The following EYA4 variants were observed in gnomAD, a reference collection of about 807,000 sequenced individuals.
EYA4 encodes protein phosphatase EYA4.
EYA4 carries 31 observed loss-of-function variants against 87.9 expected under a neutral mutation model. The ratio of observed to expected loss-of-function variants is 0.35; its 90% CI spans 0.27 to 0.48. The LOEUF is 0.48. Ranked by LOEUF, EYA4 falls within the 20% of genes least tolerant of loss-of-function variation. EYA4 has a pLI of 0.99. For synonymous variants in EYA4, 263 were observed against 270.6 expected (o/e 0.97, Z 0.28); for missense variants, 678 against 761.4 (o/e 0.89, Z 1.29).
At chr6:133,502,072 ACTCT>A (rs767862152) in intron 13 of EYA4, among the ~76,000 whole-genome samples, 4 of 119,998 alleles carry the variant, frequency 3.3e-5, no homozygotes, top group African/African-American at 6.2e-5. Context: ...TCTCTCTCTC[ACTCT>A]CTCTCTCTCT....
rs559726015 is a variant in EYA4 at position 133,295,844 on chromosome 6, G to A, written c.33+21031G>A. ...CTTCCCATTGCCAGGAACTGTTATA[G>A]ATGCTGAAAATACTGCAGTGAAAAA... On this transcript the variant is annotated intron_variant, in intron 2 of 19. Coordinates refer to ENST00000355286, the MANE Select transcript of EYA4 (RefSeq NM_004100.5). Among the ~76,000 whole-genome samples the A allele has an allele frequency of 7.2e-5, 11 of 152,284 alleles. No homozygotes were observed. In the South Asian group the frequency reaches 2.3e-3, roughly 32 times the overall value.
chr6:133,316,024 C>T (rs527681751), intron 2 of EYA4, among the ~76,000 whole-genome samples: 10 of 152,174 alleles, frequency 6.6e-5, no homozygotes, highest in Admixed American at 1.3e-4. Context: ...TCTGCTTTCC[C>T]GTAGGGCATC....
At chr6:133,380,121 T>C (rs1786056356) in intron 2 of EYA4, among the ~76,000 whole-genome samples, 1 of 152,190 alleles carries the variant, frequency 6.6e-6, no homozygotes, top group Admixed American at 6.5e-5. Context: ...CACAATACTT[T>C]AGATAGACTT....
At chr6:133,311,070 T>A (rs1159374415) in intron 2 of EYA4, among the ~76,000 whole-genome samples, 1 of 152,122 alleles carries the variant, frequency 6.6e-6, no homozygotes, top group Non-Finnish European at 1.5e-5. Context: ...TATTTTCTTC[T>A]TGCTTATTCC....
At chr6:133,247,660 A>G (rs1394343857) in intron 1 of EYA4, 4 of 152,034 alleles carry the variant, frequency 2.6e-5, no homozygotes, top group Non-Finnish European at 4.4e-5. Context: ...AGTGGTTTTC[A>G]TTTTTTTATT....
chr6:133,466,759 T>A (rs1794878319), intron 10 of EYA4, among the ~76,000 whole-genome samples: 1 of 148,920 alleles, frequency 6.7e-6, no homozygotes, highest in African/African-American at 2.5e-5. Flanking sequence ...GAAAACTTGG[T>A]GTGTCACTGA....
intron 3 of EYA4, among the ~76,000 whole-genome samples, chr6:133,424,555 G>A (rs1359621476): frequency 2.0e-5 from 3 of 152,084 alleles, no homozygotes; most frequent in East Asian, 3.9e-4. Context: ...TGGGGGCACC[G>A]TGGGTGCCAG....
intron 2 of EYA4, among the ~76,000 whole-genome samples, chr6:133,348,555 G>A (rs908837874): frequency 4.0e-5 from 6 of 151,872 alleles, no homozygotes; most frequent in Admixed American, 2.6e-4. Flanking sequence ...ATGAGCCACC[G>A]TACCCAGCCT....
intron 2 of EYA4, among the ~76,000 whole-genome samples, chr6:133,317,952 C>T (rs1780754770): frequency 1.3e-5 from 2 of 152,094 alleles, no homozygotes; most frequent in South Asian, 4.1e-4. Context: ...ATCCATCCTC[C>T]TTCCGTTGAT....
At chr6:133,422,492 A>G (rs1583234296) in intron 3 of EYA4, among the ~76,000 whole-genome samples, 3 of 152,220 alleles carry the variant, frequency 2.0e-5, no homozygotes, top group East Asian at 1.9e-4. Flanking sequence ...CATTGTAATT[A>G]TATGGCATAG....
intron 1 of EYA4, chr6:133,248,927 C>T (rs1774656883): frequency 1.3e-5 from 2 of 151,036 alleles, no homozygotes; most frequent in South Asian, 4.2e-4. Flanking sequence ...GATGATGGTA[C>T]TGTTATTTTT....
At chr6:133,417,673 C>CGTAATACAT (rs1789850124) in intron 3 of EYA4, among the ~76,000 whole-genome samples, 2 of 152,022 alleles carry the variant, frequency 1.3e-5, no homozygotes, top group African/African-American at 4.8e-5. Context: ...ACATGCATAT[C>CGTAATACAT]ACTAATAAAA....
intron 11 of EYA4, among the ~76,000 whole-genome samples, chr6:133,474,084 T>TG (rs1162721601): frequency 6.6e-6 from 1 of 151,998 alleles, no homozygotes; most frequent in African/African-American, 2.4e-5. Flanking sequence ...CAATGATGAA[T>TG]GTGTGAGGAA....
At chr6:133,241,129 C>T (rs1328437267), upstream of EYA4, among the ~76,000 whole-genome samples, 1 of 152,046 alleles carries the variant, frequency 6.6e-6, no homozygotes, top group East Asian at 1.9e-4. Flanking sequence ...GCGGTCCCCA[C>T]GCGAGATCGC....
intron 3 of EYA4, among the ~76,000 whole-genome samples, chr6:133,382,962 G>A (rs1353327880): frequency 6.6e-6 from 1 of 152,142 alleles, no homozygotes; most frequent in African/African-American, 2.4e-5. Context: ...CTTCATATAG[G>A]AATTTAGCAC....
intron 2 of EYA4, among the ~76,000 whole-genome samples, chr6:133,334,842 A>G (rs1327738256): frequency 6.6e-6 from 1 of 152,202 alleles, no homozygotes; most frequent in African/African-American, 2.4e-5. Context: ...ATATTTTATG[A>G]TCCAGTTGTC....
At chr6:133,466,773 TA>T (rs5880182) in intron 10 of EYA4, among the ~76,000 whole-genome samples, 9,836 of 136,094 alleles carry the variant, frequency 0.072, 435 homozygotes, top group East Asian at 0.22. Flanking sequence ...TCACTGAACT[TA>T]AAAAAAAAAA....
chr6:133,394,069 C>T (rs1222106807), intron 3 of EYA4, among the ~76,000 whole-genome samples: 14 of 152,216 alleles, frequency 9.2e-5, no homozygotes, highest in Admixed American at 9.2e-4. Flanking sequence ...TTTCAATAAG[C>T]CAATGGATGA....
In EYA4 at chr6:133,462,213, A is replaced by G. The variant is rs1794458274; in HGVS notation, c.438-122A>G. 10 of 1,183,686 alleles carry G rather than the reference A, an allele frequency of 8.4e-6. No homozygotes were observed. The South Asian group carries it at 8.6e-5, about 10-fold the overall frequency. The allele number at this position is 1,183,686 out of a possible 1,614,324, so 73.3% of individuals were successfully genotyped here. On this transcript the variant is annotated intron_variant, in intron 7 of 19. Coordinates refer to ENST00000355286, the MANE Select transcript of EYA4 (RefSeq NM_004100.5). ...GACTGTTGCTTTTTCCTATATTGTT[A>G]AAATTATATTGTGGATAAAGAGGAT...
Sources: allele counts gnomAD v4.1 joint callset (sites outside exome capture counted in the v4.1 genomes callset), GRCh38; gene constraint gnomAD v4.1.1; transcripts MANE v1.5; gene names NCBI Gene and HGNC (gene_info 2026-07-23, HGNC 2026-07-21).